VPS13D: variants seen among roughly 807,000 people sequenced by gnomAD.
VPS13D encodes the protein intermembrane lipid transfer protein VPS13D.
VPS13D carries 187 observed loss-of-function variants against 461.9 expected under a neutral mutation model. The observed-to-expected ratio is 0.40, with a 90% CI of 0.36 to 0.46. The LOEUF is 0.46. Among genes scored for constraint, VPS13D ranks in the 20% least tolerant of loss-of-function variants. The pLI is 0.60. For missense variants in VPS13D, 4,711 were observed against 5,364.9 expected (o/e 0.88, Z 3.81); for synonymous variants, 1,951 against 1,986.3 (o/e 0.98, Z 0.47).
intron 62 of VPS13D, among the ~76,000 whole-genome samples, chr1:12,402,306 C>G (rs893995285): frequency 6.6e-6 from 1 of 152,204 alleles, no homozygotes; most frequent in Non-Finnish European, 1.5e-5. Flanking sequence ...TGAGCTGTTG[C>G]TTCTTTTCGA....
At position 12,254,513 on chromosome 1, in the gene VPS13D, C is replaced by CTTT. The variant is rs1017635589; in HGVS notation, c.669+713_669+715dup. Among the ~76,000 whole-genome samples the CTTT allele has an allele frequency of 2.0e-3, 153 of 78,238 alleles. 22 individuals carry two copies. Among genetic ancestry groups the CTTT allele is most frequent in the African/African-American group, 4.6e-3 (93 of 20,146 alleles). 51.3% of individuals were successfully genotyped at this position (78,238 alleles called of 152,430 possible). ...TGTGAAGGATTAAAAAAATCTCAAT[C>CTTT]TTTTTTTTTTTTTTTTTTTTTTTTT... On this transcript the variant is annotated intron_variant, in intron 7 of 69. Coordinates refer to ENST00000620676, the MANE Select transcript of VPS13D (RefSeq NM_015378.4).
Position 12,279,632 on chromosome 1 carries a change from A to G in VPS13D, c.4584A>G (p.Lys1528=). The part of the protein sequence containing the change: ...GTSSIMKIEG[K]FVNPVQVVLA... ...CTAGCATCATGAAGATTGAAGGAAA[A>G]TTTGTCAATCCAGTTCAGGTAAATT... The change falls in exon 20 of 70, where the codon AAA becomes AAG. Residue 1528 remains lysine (K), a synonymous_variant. Transcript: ENST00000620676. The surrounding 1 kb of genome is among the most constrained non-coding windows in gnomAD (Gnocchi z 4.3). 1 of 1,612,044 alleles carries G rather than the reference A, an allele frequency of 6.2e-7. No homozygotes were observed. Among genetic ancestry groups the G allele is most frequent in the South Asian group, 1.1e-5 (1 of 90,796 alleles).
At chr1:12,450,273 C>T (rs1645245699) in intron 65 of VPS13D, among the ~76,000 whole-genome samples, 1 of 152,156 alleles carries the variant, frequency 6.6e-6, no homozygotes, top group South Asian at 2.1e-4. Flanking sequence ...GCTTGTTTGA[C>T]TACATCGTGG....
At chr1:12,459,628 A>C (rs1645380941) in intron 66 of VPS13D, among the ~76,000 whole-genome samples, 2 of 151,644 alleles carry the variant, frequency 1.3e-5, no homozygotes, top group Non-Finnish European at 2.9e-5. Flanking sequence ...ACAGGCACGC[A>C]TCACCACGCC....
At chr1:12,394,582 A>T (rs1198073184) in intron 60 of VPS13D, among the ~76,000 whole-genome samples, 2 of 152,168 alleles carry the variant, frequency 1.3e-5, no homozygotes, top group Non-Finnish European at 2.9e-5. Context: ...AGGGCTCTTC[A>T]AAGATGCAGG....
At position 12,299,223 on chromosome 1, in the gene VPS13D, T is replaced by C; in HGVS notation, c.6055T>C (p.Cys2019Arg). Residue 2019 changes from cysteine to arginine, a missense_variant, in exon 25 of 70, where the codon TGT becomes CGT. Cys to Arg is a radical substitution (Grantham distance 180). Transcript: ENST00000620676. This position sits in a 1 kb window ranked among gnomAD's most constrained non-coding sequence, Gnocchi z 4.2. ...TCAGGTGAGAGATCAAGCCCAGCGC[T>C]GTTCACGGGTTCTCCTGGATATTGA... ...GQTVRDQAQRCSRVLLDIEAG... is the reference protein window; with the variant it reads ...GQTVRDQAQRRSRVLLDIEAG... 6.2e-7 allele frequency: 1 copy of C among 1,611,884 alleles called. No homozygotes were observed. The highest frequency in any genetic ancestry group is 2.2e-5 in the East Asian group (1 of 44,770).
rs1210497968 is a variant in VPS13D at position 12,258,225 on chromosome 1, TA to T, written c.1110+123del. On this transcript the variant is annotated intron_variant, in intron 10 of 69. Transcript: ENST00000620676. Reference sequence around the variant, plus strand: ...CCCATGCCAAAGGGGCTAAATTTTATAGGATAGAGTTGGTCTTAGTAGAGTG... The same window carrying T: ...CCCATGCCAAAGGGGCTAAATTTTATGGATAGAGTTGGTCTTAGTAGAGTG... 3 of 1,230,614 alleles carry T rather than the reference TA, an allele frequency of 2.4e-6. No homozygotes were observed. The East Asian group carries it at 7.6e-5, about 31-fold the overall frequency. 76.2% of individuals were successfully genotyped at this position (1,230,614 alleles called of 1,614,324 possible).
chr1:12,256,436 G>T lies in VPS13D; in HGVS notation c.773G>T (p.Arg258Leu), dbSNP rs763443796. The change falls in exon 8 of 70, where the codon CGG becomes CTG. Residue 258 changes from arginine (R) to leucine (L), a missense_variant. Coordinates refer to ENST00000620676, the MANE Select transcript of VPS13D (RefSeq NM_015378.4). ...AGAAACTGCTCCAAGAAGCCCCTGC[G>T]GTCTCGGCACAGTCCCCGTATTGAT... is the stretch of plus-strand genomic sequence containing the variant. ...LKRNCSKKPL[R>L]SRHSPRIDCD... 8.7e-6 allele frequency: 14 copies of T among 1,613,976 alleles called. No homozygotes were observed. The highest frequency in any genetic ancestry group is 1.0e-5 in the Non-Finnish European group (12 of 1,180,034).
At chr1:12,306,133 G>A (rs892543719) in intron 26 of VPS13D, among the ~76,000 whole-genome samples, 2 of 151,908 alleles carry the variant, frequency 1.3e-5, no homozygotes, top group East Asian at 1.9e-4. Flanking sequence ...ACAGGCGCCC[G>A]CCACCACGCC....
chr1:12,296,232 A>G (rs1179486637), intron 24 of VPS13D, among the ~76,000 whole-genome samples: 1 of 152,196 alleles, frequency 6.6e-6, no homozygotes, highest in Non-Finnish European at 1.5e-5. Flanking sequence ...TCTTCACTAG[A>G]TAAAGCCAGA....
At chr1:12,457,224 A>G (rs1192332576) in intron 66 of VPS13D, among the ~76,000 whole-genome samples, 1 of 152,218 alleles carries the variant, frequency 6.6e-6, no homozygotes, top group Admixed American at 6.5e-5. Flanking sequence ...CACTTTGGCC[A>G]CACACAGCTA....
intron 50 of VPS13D, among the ~76,000 whole-genome samples, chr1:12,359,773 A>G (rs1445593522): frequency 1.3e-5 from 2 of 152,200 alleles, no homozygotes; most frequent in African/African-American, 4.8e-5. Context: ...GTCTTCTTAA[A>G]GTTGACATTA....
At chr1:12,329,153 A>G (rs1643266511) in intron 36 of VPS13D, among the ~76,000 whole-genome samples, 1 of 152,192 alleles carries the variant, frequency 6.6e-6, no homozygotes, top group Non-Finnish European at 1.5e-5. Context: ...TTATCAGAAC[A>G]TGACTTCTCT....
intron 64 of VPS13D, 129 bp downstream of exon 64, chr1:12,415,350 G>A (rs912360703): frequency 1.3e-5 from 16 of 1,229,162 alleles, no homozygotes; most frequent in Non-Finnish European, 1.7e-5. Flanking sequence ...GTTGTGTTAC[G>A]GGTCAGGTCA....
chr1:12,463,967 AG>A (rs1386654886), intron 67 of VPS13D, among the ~76,000 whole-genome samples: 1 of 152,238 alleles, frequency 6.6e-6, no homozygotes, highest in Non-Finnish European at 1.5e-5. Context: ...GAAGCTATAA[AG>A]AACTATAAAA....
intron 66 of VPS13D, among the ~76,000 whole-genome samples, chr1:12,458,047 A>G (rs959809251): frequency 7.9e-5 from 12 of 152,314 alleles, no homozygotes; most frequent in South Asian, 6.2e-4. Context: ...TTCTGGATGA[A>G]CACACAAATG....
At chr1:12,400,770 T>C (rs1373135793) in intron 61 of VPS13D, among the ~76,000 whole-genome samples, 1 of 152,074 alleles carries the variant, frequency 6.6e-6, no homozygotes, top group Non-Finnish European at 1.5e-5. Context: ...TTGGGAAACA[T>C]GGTGAAACCT....
intron 37 of VPS13D, among the ~76,000 whole-genome samples, chr1:12,332,349 A>G (rs1569931196): frequency 6.6e-6 from 1 of 152,340 alleles, no homozygotes; most frequent in East Asian, 1.9e-4. Flanking sequence ...ATTCATTATA[A>G]TGCATGTTAA....
intron 59 of VPS13D, among the ~76,000 whole-genome samples, 176 bp downstream of exon 59, chr1:12,385,549 CAA>C (rs1475476952): frequency 6.6e-6 from 1 of 152,082 alleles, no homozygotes; most frequent in Admixed American, 6.5e-5. Flanking sequence ...TAAATGACAA[CAA>C]AGTTTATGTG....
Sources: allele counts gnomAD v4.1 joint callset (sites outside exome capture counted in the v4.1 genomes callset), GRCh38; gene constraint gnomAD v4.1.1; non-coding constraint Gnocchi (gnomAD v3.1); transcripts MANE v1.5; gene names NCBI Gene and HGNC (gene_info 2026-07-23, HGNC 2026-07-21).